LRPPRC: variants seen among roughly 807,000 people sequenced by gnomAD.
LRPPRC encodes the protein leucine rich pentatricopeptide repeat containing.
A neutral mutation model predicts 180.3 loss-of-function variants in LRPPRC; 120 were observed. The observed-to-expected ratio is 0.67, with a 90% CI of 0.57 to 0.77. The LOEUF (loss-of-function observed/expected upper bound fraction) is 0.77, where lower values mean the gene tolerates loss of function less well. LRPPRC is among the 30% of genes least tolerant of loss of function. The probability of loss-of-function intolerance (pLI) is 0.00; values close to 1 mark genes in which losing one functional copy is unlikely to be tolerated. For missense variants in LRPPRC, 2,012 were observed against 1,657.2 expected (o/e 1.21, Z -3.72); for synonymous variants, 723 against 600.0 (o/e 1.21, Z -3.00).
Position 43,963,548 on chromosome 2 carries a change from T to A in LRPPRC, c.1488+40A>T, listed in dbSNP as rs201360053. 7,534 of 1,174,830 alleles carry A rather than the reference T, an allele frequency of 6.4e-3. 93 individuals carry two copies. The highest frequency in any genetic ancestry group is 0.034 in the South Asian group (2,800 of 82,256). 72.8% of individuals were successfully genotyped at this position (1,174,830 alleles called of 1,614,324 possible). ...CACTAAACATTAAGGAGGAAAGATA[T>A]CCTCTTCAATTATTAAATTAAAACC... On this transcript the variant is annotated intron_variant, in intron 12 of 37. Coordinates refer to ENST00000260665, the MANE Select transcript of LRPPRC (RefSeq NM_133259.4).
chr2:43,955,665 G>A (rs924306440), intron 14 of LRPPRC, among the ~76,000 whole-genome samples: 5 of 151,904 alleles, frequency 3.3e-5, no homozygotes, highest in South Asian at 2.1e-4. Flanking sequence ...GCTTGAGCCC[G>A]GGAGGTAAAG....
At chr2:43,909,216 T>C (rs893229186) in intron 30 of LRPPRC, among the ~76,000 whole-genome samples, 4 of 152,202 alleles carry the variant, frequency 2.6e-5, no homozygotes, top group African/African-American at 4.8e-5. Flanking sequence ...CATGAAACAA[T>C]TCTACATAGT....
Position 43,889,735 on chromosome 2 carries a change from G to A in LRPPRC, c.4127C>T (p.Pro1376Leu), listed in dbSNP as rs1670416752. ...AGEPVPFIEP[P>L]ESFEFYAQQL... is the part of the protein sequence containing the mutation. ...TCCCCTTAATTAAGAAATACTCACA[G>A]GGGGTTCAATGAAAGGGACAGGCTC... The change falls in exon 37 of 38, where the codon CCT (proline) becomes CTT (leucine). Residue 1376 changes from proline (P) to leucine (L), a missense_variant and splice_region_variant. Transcript: ENST00000260665. 2 of 1,611,062 alleles carry A rather than the reference G, an allele frequency of 1.2e-6. No homozygotes were observed. Among genetic ancestry groups the A allele is most frequent in the Non-Finnish European group, 1.7e-6 (2 of 1,177,204 alleles).
intron 25 of LRPPRC, among the ~76,000 whole-genome samples, chr2:43,926,691 G>A (rs1043310074): frequency 6.6e-6 from 1 of 152,108 alleles, no homozygotes; most frequent in Non-Finnish European, 1.5e-5. Flanking sequence ...TCATTTACAC[G>A]CTCTCTCTTG....
chr2:43,960,261 CA>C (rs1673289714), intron 13 of LRPPRC, among the ~76,000 whole-genome samples: 1 of 152,170 alleles, frequency 6.6e-6, no homozygotes, highest in South Asian at 2.1e-4. Flanking sequence ...TCTTCTAAAT[CA>C]CATAATCGGT....
intron 30 of LRPPRC, among the ~76,000 whole-genome samples, chr2:43,910,808 T>C (rs1035986268): frequency 2.0e-5 from 3 of 151,930 alleles, no homozygotes; most frequent in East Asian, 1.9e-4. Flanking sequence ...AGAAACCCAA[T>C]GAAAATGAAA....
chr2:43,974,240 C>T lies in LRPPRC; in HGVS notation c.1065G>A (p.Leu355=). 4 of 1,611,364 alleles carry T rather than the reference C, an allele frequency of 2.5e-6. No individual in the cohort carries two copies. The highest frequency in any genetic ancestry group is 2.5e-6 in the Non-Finnish European group (3 of 1,177,510). The part of the protein sequence containing the change: ...LVTEKLEDVA[L]QILLACPVSK... ...ATACGGGGCATGCTAGTAAAATTTG[C>T]AACGCTACATCTTCCAATTTTTCAG... Residue 355 remains leucine (L), a synonymous_variant, in exon 9 of 38, where the codon TTG becomes TTA. Transcript: ENST00000260665.
In LRPPRC at chr2:43,961,604, T is replaced by C. The variant is rs537685321; in HGVS notation, c.1489-970A>G. Reference sequence around the variant, plus strand: ...GTGTTCTCTAATTTATCAACAAACATTTATTATGTAATTTCTGAAAACTAA... The same window carrying C: ...GTGTTCTCTAATTTATCAACAAACACTTATTATGTAATTTCTGAAAACTAA... On this transcript the variant is annotated intron_variant, in intron 12 of 37. Transcript: ENST00000260665. Among the ~76,000 whole-genome samples the C allele has an allele frequency of 8.5e-5, 13 of 152,310 alleles. No homozygotes were observed. In the South Asian group the frequency reaches 1.7e-3, roughly 19 times the overall value.
upstream of LRPPRC, chr2:43,996,141 T>C (rs1420668406): frequency 5.5e-6 from 3 of 544,162 alleles, no homozygotes; most frequent in Non-Finnish European, 9.7e-6. Flanking sequence ...AATATTTACA[T>C]AAACGATGTT....
At position 43,889,790 on chromosome 2, in the gene LRPPRC, G is replaced by A. The variant is rs780778357; in HGVS notation, c.4072C>T (p.Arg1358Cys). Residue 1358 changes from arginine to cysteine, a missense_variant, in exon 37 of 38, where the codon CGT becomes TGT. Transcript: ENST00000260665. ...GCATACTTCAGCAAAGATGCGTAACGCTTTAGAAACAGATCATCCAATTTT... is the reference window on the plus strand; with the variant it reads ...GCATACTTCAGCAAAGATGCGTAACACTTTAGAAACAGATCATCCAATTTT... ...NTKLDDLFLK[R>C]YASLLKYAGE... 14 of 1,611,064 alleles carry A rather than the reference G, an allele frequency of 8.7e-6. No individual in the cohort carries two copies. In the East Asian group the frequency reaches 8.9e-5, roughly 10 times the overall value.
chr2:43,982,989 T>C (rs1333219522), intron 1 of LRPPRC, among the ~76,000 whole-genome samples: 1 of 152,074 alleles, frequency 6.6e-6, no homozygotes, highest in Admixed American at 6.6e-5. Context: ...CTAAATAAAG[T>C]TGAAACACTT....
chr2:43,975,775 G>T (rs550761153), intron 6 of LRPPRC, among the ~76,000 whole-genome samples: 1 of 151,884 alleles, frequency 6.6e-6, no homozygotes, highest in African/African-American at 2.4e-5. Context: ...TAGAGACCGG[G>T]TTTCACCATG....
intron 19 of LRPPRC, 136 bp downstream of exon 19, chr2:43,947,595 C>T (rs1672735894): frequency 1.5e-6 from 1 of 681,880 alleles, no homozygotes; most frequent in Admixed American, 2.6e-5. Context: ...AGGTGGGGAA[C>T]AGGTTTTACC....
At chr2:43,992,091 G>C (rs773190794) in intron 1 of LRPPRC, among the ~76,000 whole-genome samples, 9 of 152,162 alleles carry the variant, frequency 5.9e-5, no homozygotes, top group Non-Finnish European at 1.2e-4. Context: ...GCACGTCATA[G>C]TGTTAATGGG....
intron 14 of LRPPRC, among the ~76,000 whole-genome samples, chr2:43,956,058 G>A (rs1673100740): frequency 6.7e-6 from 1 of 148,766 alleles, no homozygotes; most frequent in Non-Finnish European, 1.5e-5. Context: ...TGCTTAATCT[G>A]AGTCTCATCA....
At chr2:43,931,093 A>G (rs961708592) in intron 25 of LRPPRC, among the ~76,000 whole-genome samples, 3 of 152,178 alleles carry the variant, frequency 2.0e-5, no homozygotes, top group African/African-American at 7.2e-5. Flanking sequence ...TTACCATATT[A>G]AAGGTTTCTA....
chr2:43,915,544 C>T (rs1465403757), intron 29 of LRPPRC, among the ~76,000 whole-genome samples: 3 of 151,860 alleles, frequency 2.0e-5, no homozygotes, highest in Non-Finnish European at 2.9e-5. Flanking sequence ...ACTAGCCGGG[C>T]GTGGTGGTGT....
In LRPPRC at chr2:43,948,880, T is replaced by A. The variant is rs200717939; in HGVS notation, c.1736-362A>T. Among the ~76,000 whole-genome samples the A allele has an allele frequency of 3.3e-5, 5 of 151,944 alleles. No individual in the cohort carries two copies. The East Asian group carries it at 9.6e-4, about 29-fold the overall frequency. The stretch of plus-strand genomic sequence containing the variant: ...AAATGTCTTGTACACATTTCTATAC[T>A]GTTTTTTTTTTGTGGACAATATTTA... On this transcript the variant is annotated intron_variant, in intron 16 of 37. Coordinates refer to ENST00000260665, the MANE Select transcript of LRPPRC (RefSeq NM_133259.4).
At chr2:43,986,255 G>A (rs568926445) in intron 1 of LRPPRC, among the ~76,000 whole-genome samples, 75 of 152,190 alleles carry the variant, frequency 4.9e-4, no homozygotes, top group Non-Finnish European at 8.5e-4. Flanking sequence ...TCAGCCTCCT[G>A]AGTAGCTGGG....
Sources: gnomAD v4.1 joint callset for allele counts (sites outside exome capture counted in the v4.1 genomes callset) on GRCh38, gnomAD v4.1.1 for gene constraint, MANE v1.5 for transcripts, NCBI Gene and HGNC (gene_info 2026-07-23, HGNC 2026-07-21) for gene names.